Variants in PPP1CB observed in about 807,000 individuals in gnomAD.
PPP1CB encodes the protein serine/threonine-protein phosphatase PP1-beta catalytic subunit.
Under a neutral mutation model 43.7 loss-of-function variants are expected in PPP1CB, and 2 were observed. That is an observed-to-expected ratio of 0.05 (90% CI 0.02 to 0.14). The LOEUF (loss-of-function observed/expected upper bound fraction) is 0.14. Among genes scored for constraint, PPP1CB ranks in the 10% least tolerant of loss-of-function variants. The pLI is 1.00. For synonymous variants in PPP1CB, 136 were observed against 135.6 expected (o/e 1.00, Z -0.02); for missense variants, 84 against 398.0 (o/e 0.21, Z 6.71).
At chr2:28,752,314 A>G (rs1198992090) in intron 1 of PPP1CB, 138 bp downstream of exon 1, 2 of 834,498 alleles carry the variant, frequency 2.4e-6, no homozygotes, top group Non-Finnish European at 3.6e-6. Flanking sequence ...GCGGCGGACG[A>G]ACCGAGGAGG....
At chr2:28,761,491 A>G (rs1039814233) in intron 1 of PPP1CB, among the ~76,000 whole-genome samples, 1 of 152,220 alleles carries the variant, frequency 6.6e-6, no homozygotes, top group African/African-American at 2.4e-5. Flanking sequence ...TTCTTGACAC[A>G]TTAAAGGTCA....
At chr2:28,797,173 A>G (rs1268342033) in intron 7 of PPP1CB, among the ~76,000 whole-genome samples, 2 of 152,016 alleles carry the variant, frequency 1.3e-5, no homozygotes, top group African/African-American at 4.8e-5. Flanking sequence ...ATTCGGTTTT[A>G]GTATTTTGTT....
At chr2:28,751,806 C>T (rs754826391), upstream of PPP1CB, 2 of 441,148 alleles carry the variant, frequency 4.5e-6, no homozygotes, top group Non-Finnish European at 8.3e-6. Context: ...GCGGGTGGGG[C>T]CGTCGGCGGC....
At chr2:28,785,401 G>A (rs527430276) in intron 5 of PPP1CB, among the ~76,000 whole-genome samples, 20 of 152,092 alleles carry the variant, frequency 1.3e-4, no homozygotes, top group African/African-American at 3.9e-4. Flanking sequence ...TACATAACAC[G>A]ACTTGTTGTG....
At chr2:28,775,017 T>C (rs1667003340) in intron 1 of PPP1CB, among the ~76,000 whole-genome samples, 1 of 152,154 alleles carries the variant, frequency 6.6e-6, no homozygotes, top group Non-Finnish European at 1.5e-5. Context: ...TAATGGAATA[T>C]ATAGCTTTTG....
At chr2:28,798,756 T>C (rs879763444) in intron 7 of PPP1CB, among the ~76,000 whole-genome samples, 3 of 152,024 alleles carry the variant, frequency 2.0e-5, no homozygotes, top group Non-Finnish European at 4.4e-5. Context: ...TGTTCTAAAA[T>C]TAGATTTATA....
intron 5 of PPP1CB, among the ~76,000 whole-genome samples, chr2:28,785,553 T>C (rs2148054606): frequency 6.6e-6 from 1 of 152,266 alleles, no homozygotes. Context: ...AGTTCATGCT[T>C]GTAATTCCAA....
At chr2:28,795,228 T>C (rs1667475778) in intron 7 of PPP1CB, among the ~76,000 whole-genome samples, 1 of 152,242 alleles carries the variant, frequency 6.6e-6, no homozygotes, top group Non-Finnish European at 1.5e-5. Context: ...TACCACATTT[T>C]CTTTATCCAG....
intron 1 of PPP1CB, among the ~76,000 whole-genome samples, chr2:28,762,054 C>T (rs866219438): frequency 1.7e-4 from 26 of 152,228 alleles, no homozygotes; most frequent in African/African-American, 6.0e-4. Context: ...GAGGCCGAGG[C>T]GGGTGGAATT....
chr2:28,790,865 AGTC>A (rs1190928635), intron 6 of PPP1CB, among the ~76,000 whole-genome samples: 1 of 152,220 alleles, frequency 6.6e-6, no homozygotes, highest in Non-Finnish European at 1.5e-5. Flanking sequence ...AGTTAATTCA[AGTC>A]GTCTTTATCT....
intron 1 of PPP1CB, among the ~76,000 whole-genome samples, chr2:28,764,093 G>A (rs1666725874): frequency 1.3e-5 from 2 of 152,026 alleles, no homozygotes; most frequent in African/African-American, 4.8e-5. Flanking sequence ...TGTGTGTTGT[G>A]TGCATAGAGA....
At chr2:28,791,125 C>T (rs927997368) in intron 6 of PPP1CB, among the ~76,000 whole-genome samples, 6 of 152,102 alleles carry the variant, frequency 3.9e-5, no homozygotes, top group Non-Finnish European at 8.8e-5. Flanking sequence ...ACAGTACTTC[C>T]CTTTCTTTCT....
intron 1 of PPP1CB, among the ~76,000 whole-genome samples, chr2:28,764,474 AGAG>A (rs1282062922): frequency 6.6e-6 from 1 of 151,114 alleles, no homozygotes. Context: ...AAAAAAAAAA[AGAG>A]AGACTCCACA....
intron 1 of PPP1CB, among the ~76,000 whole-genome samples, chr2:28,770,751 A>T (rs1056315291): frequency 2.6e-5 from 4 of 151,000 alleles, no homozygotes; most frequent in Non-Finnish European, 5.9e-5. Context: ...GACATAGAAC[A>T]CTTCACTCAA....
intron 3 of PPP1CB, among the ~76,000 whole-genome samples, chr2:28,780,482 A>G (rs1487121047): frequency 6.6e-6 from 1 of 152,228 alleles, no homozygotes; most frequent in Non-Finnish European, 1.5e-5. Flanking sequence ...AATTATTTAA[A>G]TCAGACTAGC....
At chr2:28,789,593 A>ATTTTTTT (rs70956041) in intron 6 of PPP1CB, among the ~76,000 whole-genome samples, 3 of 96,546 alleles carry the variant, frequency 3.1e-5, no homozygotes, top group Non-Finnish European at 6.5e-5. Context: ...TATGATTTAG[A>ATTTTTTT]TTTTTTTTTT....
At chr2:28,765,097 A>G (rs2148460114) in intron 1 of PPP1CB, among the ~76,000 whole-genome samples, 1 of 152,228 alleles carries the variant, frequency 6.6e-6, no homozygotes, top group East Asian at 1.9e-4. Flanking sequence ...TATATCACAT[A>G]CCCTTGGATA....
chr2:28,778,665 C>G, intron 2 of PPP1CB, 144 bp from the exon 3 acceptor site: 1 of 600,636 alleles, frequency 1.7e-6, no homozygotes, highest in Non-Finnish European at 3.0e-6. Context: ...ATCTCACTTT[C>G]GCTTATTAGA....
At chr2:28,760,261 C>T (rs1250936828) in intron 1 of PPP1CB, among the ~76,000 whole-genome samples, 2 of 152,112 alleles carry the variant, frequency 1.3e-5, no homozygotes, top group African/African-American at 4.8e-5. Flanking sequence ...CTAATCGTTA[C>T]TAGAAAATTC....
Sources: gnomAD v4.1 joint callset for allele counts (sites outside exome capture counted in the v4.1 genomes callset) on GRCh38, gnomAD v4.1.1 for gene constraint, MANE v1.5 for transcripts, NCBI Gene and HGNC (gene_info 2026-07-23, HGNC 2026-07-21) for gene names.